Variants in GRIA2 observed in about 807,000 individuals in gnomAD.
GRIA2 encodes the protein glutamate ionotropic receptor AMPA type subunit 2, also known as glutamate receptor 2.
Under a neutral mutation model 97.3 loss-of-function variants are expected in GRIA2, and 14 were observed. The observed-to-expected ratio is 0.14, with a 90% confidence interval of 0.10 to 0.23. GRIA2 has a LOEUF of 0.23. Among genes scored for constraint, GRIA2 ranks in the 10% least tolerant of loss-of-function variants. GRIA2 has a pLI of 1.00. For synonymous variants in GRIA2, 412 were observed against 387.8 expected, an observed-to-expected ratio of 1.06 and a Z score of -0.73; for missense variants, 558 against 1,069.8, an observed-to-expected ratio of 0.52 and a Z score of 6.67.
At chr4:157,328,400 A>G (rs1734903377) in intron 6 of GRIA2, among the ~76,000 whole-genome samples, 1 of 152,038 alleles carries the variant, frequency 6.6e-6, no homozygotes, top group Non-Finnish European at 1.5e-5. Flanking sequence ...GATTGTAGTG[A>G]CTTGCAGGTA....
rs147042257 is a variant in GRIA2 at position 157,239,839 on chromosome 4, C to T, written c.229+18032C>T. Among the ~76,000 whole-genome samples the T allele has an allele frequency of 7.6e-4, 115 of 151,924 alleles. No homozygotes were observed. The East Asian group carries it at 0.01, about 14-fold the overall frequency. Reference sequence around the variant, plus strand: ...GATTTTCCATTTTTATATATTTTTCCTGTATACTTGAAATTTCCAAATGTT... The same window carrying T: ...GATTTTCCATTTTTATATATTTTTCTTGTATACTTGAAATTTCCAAATGTT... On this transcript the variant is annotated intron_variant, in intron 2 of 15. Transcript: ENST00000264426.
intron 2 of GRIA2, among the ~76,000 whole-genome samples, chr4:157,275,866 C>T (rs967106059): frequency 6.6e-6 from 1 of 151,936 alleles, no homozygotes; most frequent in Admixed American, 6.6e-5. Context: ...TTTTTTGGTT[C>T]CATATGAACT....
chr4:157,335,594 C>T, intron 9 of GRIA2, 77 bp from the exon 10 acceptor site: 1 of 865,396 alleles, frequency 1.2e-6, no homozygotes, highest in Non-Finnish European at 1.9e-6. Context: ...AATAATTAAA[C>T]CAGAAGATTT....
At chr4:157,284,729 T>G (rs1732762162) in intron 2 of GRIA2, among the ~76,000 whole-genome samples, 1 of 151,740 alleles carries the variant, frequency 6.6e-6, no homozygotes, top group African/African-American at 2.4e-5. Context: ...CTTCTGTAAC[T>G]TGCTTTTCCC....
At chr4:157,274,729 G>A (rs951853635) in intron 2 of GRIA2, among the ~76,000 whole-genome samples, 7 of 151,204 alleles carry the variant, frequency 4.6e-5, no homozygotes, top group Non-Finnish European at 8.9e-5. Context: ...AGTATTCCAC[G>A]GTTTATATGT....
At chr4:157,356,816 G>A (rs950689321) in intron 12 of GRIA2, among the ~76,000 whole-genome samples, 5 of 151,752 alleles carry the variant, frequency 3.3e-5, no homozygotes, top group Non-Finnish European at 5.9e-5. Context: ...TCCGATGATT[G>A]TAGTGTGCTC....
In GRIA2 at chr4:157,342,285, C is replaced by T. The variant is rs971522400; in HGVS notation, c.2043+823C>T. On this transcript the variant is annotated intron_variant, in intron 12 of 15. Transcript: ENST00000264426. ...ATTCCGGAATTAGGATTAGGACCTTCAAATGGCCATCAAAATTTGAAGACT... is the reference window on the plus strand; with the variant it reads ...ATTCCGGAATTAGGATTAGGACCTTTAAATGGCCATCAAAATTTGAAGACT... The T allele has an allele frequency of 3.1e-6, 3 of 983,354 alleles. No homozygotes were observed. In the African/African-American group the frequency reaches 5.2e-5, roughly 17 times the overall value. 60.9% of individuals were successfully genotyped at this position (983,354 alleles called of 1,614,324 possible). A position where few individuals can be genotyped will look rare whatever the true frequency, so the allele number is the denominator to read the frequency against.
At chr4:157,253,303 G>A (rs538878109) in intron 2 of GRIA2, among the ~76,000 whole-genome samples, 4 of 151,954 alleles carry the variant, frequency 2.6e-5, no homozygotes, top group Admixed American at 6.6e-5. Flanking sequence ...TTTTGGTAGA[G>A]ACAGGGTTTT....
At chr4:157,355,972 T>TGTATATTC (rs1736317471) in intron 12 of GRIA2, among the ~76,000 whole-genome samples, 1 of 15,706 alleles carries the variant, frequency 6.4e-5, no homozygotes, top group East Asian at 5.4e-3. Context: ...TGTATATTAA[T>TGTATATTC]ATATATATTT....
At chr4:157,330,245 T>A (rs1027098844) in intron 6 of GRIA2, among the ~76,000 whole-genome samples, 1 of 151,974 alleles carries the variant, frequency 6.6e-6, no homozygotes, top group Non-Finnish European at 1.5e-5. Context: ...AAATCTGGAC[T>A]TGAGCCTTGT....
chr4:157,220,999 GA>G lies in GRIA2; in HGVS notation c.-35del, dbSNP rs74352837. ...GCCAAAGAAGGAAGAGGAGGAAAAG[GA>G]AAAAAAAAGGGGTATATTGTGGATG... On this transcript the variant is annotated 5_prime_UTR_variant, in exon 1 of 16. Coordinates refer to ENST00000264426, the MANE Select transcript of GRIA2 (RefSeq NM_001083619.3). 2.0e-4 allele frequency: 185 copies of G among 942,144 alleles called. No individual in the cohort carries two copies. Among genetic ancestry groups the G allele is most frequent in the Non-Finnish European group, 2.4e-4 (139 of 577,400 alleles). 58.4% of individuals were successfully genotyped at this position (942,144 alleles called of 1,614,324 possible).
intron 2 of GRIA2, among the ~76,000 whole-genome samples, chr4:157,247,282 T>G (rs1418087422): frequency 6.6e-6 from 1 of 152,170 alleles, no homozygotes; most frequent in Non-Finnish European, 1.5e-5. Flanking sequence ...CACAACAGAT[T>G]TGAAGATGGA....
At chr4:157,342,182 A>G (rs964595652) in intron 12 of GRIA2, 202 of 967,358 alleles carry the variant, frequency 2.1e-4, no homozygotes, top group Non-Finnish European at 2.4e-4. Flanking sequence ...AAGCCAATAT[A>G]TGTGACATAT....
chr4:157,327,829 A>G (rs1560768037), intron 6 of GRIA2, among the ~76,000 whole-genome samples: 1 of 152,158 alleles, frequency 6.6e-6, no homozygotes, highest in African/African-American at 2.4e-5. Flanking sequence ...TAAGAGAGTT[A>G]TTAGATCTGC....
Position 157,317,708 on chromosome 4 carries a change from T to C in GRIA2, c.717T>C (p.Asn239=), listed in dbSNP as rs770201161. Reference sequence around the variant, plus strand: ...AAGGGTACCACTACATCATTGCAAATCTGGTAGGTGAATTAATTGGTATAT... The same window carrying C: ...AAGGGTACCACTACATCATTGCAAACCTGGTAGGTGAATTAATTGGTATAT... ...HVKGYHYIIA[N]LGFTDGDLLK... Residue 239 remains asparagine (N), a synonymous_variant, in exon 5 of 16, where the codon AAT becomes AAC. Coordinates refer to ENST00000264426, the MANE Select transcript of GRIA2 (RefSeq NM_001083619.3). 12 of 1,217,196 alleles carry C rather than the reference T, an allele frequency of 9.9e-6. No homozygotes were observed. The highest frequency in any genetic ancestry group is 3.8e-4 in the Middle Eastern group (2 of 5,304). The allele number at this position is 1,217,196 out of a possible 1,614,324, so 75.4% of individuals were successfully genotyped here. A position where few individuals can be genotyped will look rare whatever the true frequency, so the allele number is the denominator to read the frequency against.
chr4:157,290,961 A>G (rs1733071719), intron 2 of GRIA2, among the ~76,000 whole-genome samples: 2 of 151,954 alleles, frequency 1.3e-5, no homozygotes, highest in Non-Finnish European at 2.9e-5. Context: ...ATTTATATAC[A>G]GAAGTGCATA....
chr4:157,230,332 CA>C (rs1419106000), intron 2 of GRIA2, among the ~76,000 whole-genome samples: 6 of 151,970 alleles, frequency 3.9e-5, no homozygotes, highest in Non-Finnish European at 5.9e-5. Flanking sequence ...CAAATAGTTT[CA>C]AGGTAAGGGA....
chr4:157,336,244 G>T (rs928421421), intron 10 of GRIA2, 133 bp from the exon 11 acceptor site: 2 of 732,422 alleles, frequency 2.7e-6, no homozygotes, highest in East Asian at 2.5e-5. Context: ...ATCCTTTACT[G>T]GGACTATACC....
chr4:157,221,839 C>G, intron 2 of GRIA2, 32 bp downstream of exon 2: 1 of 1,607,152 alleles, frequency 6.2e-7, no homozygotes, highest in Non-Finnish European at 8.5e-7. Flanking sequence ...CTTTCGGGTG[C>G]TGCACGCGGA....
Sources: allele counts gnomAD v4.1 joint callset (sites outside exome capture counted in the v4.1 genomes callset), GRCh38; gene constraint gnomAD v4.1.1; transcripts MANE v1.5; gene names NCBI Gene and HGNC (gene_info 2026-07-23, HGNC 2026-07-21).